COL23A1: variants seen among roughly 807,000 people sequenced by gnomAD.
The protein encoded by COL23A1 is collagen type XXIII alpha 1 chain.
A neutral mutation model predicts 99.3 loss-of-function variants in COL23A1; 97 were observed. The observed-to-expected ratio is 0.98, with a 90% CI of 0.83 to 1.16. The LOEUF (loss-of-function observed/expected upper bound fraction) is 1.16, where lower values mean the gene tolerates loss of function less well. Ranked by LOEUF, COL23A1 falls within the 50% of genes most tolerant of loss-of-function variation. The probability of loss-of-function intolerance (pLI) is 0.00; values close to 1 mark genes in which losing one functional copy is unlikely to be tolerated. For synonymous variants in COL23A1, 320 were observed against 308.2 expected (o/e 1.04, Z -0.40); for missense variants, 762 against 757.4 (o/e 1.01, Z -0.07).
chr5:178,574,378 G>A (rs1212458225), intron 1 of COL23A1, among the ~76,000 whole-genome samples: 1 of 151,724 alleles, frequency 6.6e-6, no homozygotes, highest in Non-Finnish European at 1.5e-5. Context: ...ATTTTATTGT[G>A]TGTAAATTAT....
chr5:178,555,771 C>T (rs1190289367), intron 2 of COL23A1, among the ~76,000 whole-genome samples: 10 of 152,190 alleles, frequency 6.6e-5, no homozygotes, highest in Admixed American at 2.6e-4. Flanking sequence ...TCCAAGGTGC[C>T]GGCCCTCACC....
intron 2 of COL23A1, among the ~76,000 whole-genome samples, chr5:178,403,340 C>T (rs1036021979): frequency 6.6e-6 from 1 of 152,198 alleles, no homozygotes; most frequent in Non-Finnish European, 1.5e-5. Context: ...CCAGACCTGA[C>T]CCAGGAGTTC....
intron 1 of COL23A1, among the ~76,000 whole-genome samples, chr5:178,584,763 C>A (rs763258946): frequency 1.3e-5 from 2 of 152,120 alleles, no homozygotes; most frequent in Non-Finnish European, 2.9e-5. Context: ...ACAGAGCTTC[C>A]CAGACACACC....
At chr5:178,322,651 G>A (rs182982699) in intron 2 of COL23A1, among the ~76,000 whole-genome samples, 2 of 152,082 alleles carry the variant, frequency 1.3e-5, no homozygotes, top group South Asian at 2.1e-4. Flanking sequence ...CGAGGTAACC[G>A]CAGACATTAA....
At chr5:178,288,400 A>C in intron 4 of COL23A1, 50 bp from the exon 5 acceptor site, 1 of 1,518,950 alleles carries the variant, frequency 6.6e-7, no homozygotes, top group Non-Finnish European at 9.2e-7. Flanking sequence ...CAGAAACCAT[A>C]TGGCAACACT....
Position 178,573,343 on chromosome 5 carries a change from G to T in COL23A1, c.295-12595C>A, listed in dbSNP as rs1387361701. On this transcript the variant is annotated intron_variant, in intron 1 of 28. Transcript: ENST00000390654. ...AGGTTCTGCCTGGGTTCGGTGACAG[G>T]TAAAGCACCCAGCAGAGTCATGGCA... Among the ~76,000 whole-genome samples the T allele has an allele frequency of 2.0e-5, 3 of 152,248 alleles. No homozygotes were observed. The East Asian group carries it at 5.8e-4, about 29-fold the overall frequency.
At chr5:178,578,347 A>T (rs1278687928) in intron 1 of COL23A1, among the ~76,000 whole-genome samples, 1 of 152,116 alleles carries the variant, frequency 6.6e-6, no homozygotes, top group Non-Finnish European at 1.5e-5. Context: ...CACACACTCG[A>T]GTCCCCTTGA....
chr5:178,442,794 G>A (rs1237151648), intron 2 of COL23A1: 1 of 152,576 alleles, frequency 6.6e-6, no homozygotes, highest in Non-Finnish European at 1.5e-5. Context: ...TGCTGGGGAA[G>A]GGCCTCTGCC....
intron 2 of COL23A1, among the ~76,000 whole-genome samples, chr5:178,456,955 GATAA>G (rs1337888497): frequency 6.6e-6 from 1 of 152,146 alleles, no homozygotes; most frequent in Non-Finnish European, 1.5e-5. Flanking sequence ...AACATGCAGA[GATAA>G]AACAACACAC....
At position 178,255,511 on chromosome 5, in the gene COL23A1, A is replaced by G. The variant is rs1316909141; in HGVS notation, c.883-485T>C. Among the ~76,000 whole-genome samples, 3 of 151,902 alleles carry G rather than the reference A, an allele frequency of 2.0e-5. No individual in the cohort carries two copies. In the East Asian group the frequency reaches 5.9e-4, roughly 30 times the overall value. ...TGCATGTCAGCATGCCCATGTCCAT[A>G]TGCTGCACACTCATTGTGCACACTC... On this transcript the variant is annotated intron_variant, in intron 15 of 28. Coordinates refer to ENST00000390654, the MANE Select transcript of COL23A1 (RefSeq NM_173465.4). This position sits in a 1 kb window ranked among gnomAD's most constrained non-coding sequence, Gnocchi z 4.2.
chr5:178,585,837 G>T (rs953943076), intron 1 of COL23A1, among the ~76,000 whole-genome samples: 10 of 140,142 alleles, frequency 7.1e-5, no homozygotes, highest in Admixed American at 6.6e-4. Flanking sequence ...AGCCTCAGGG[G>T]ATGAGTCAAG....
intron 2 of COL23A1, among the ~76,000 whole-genome samples, chr5:178,479,377 C>A: frequency 6.6e-6 from 1 of 152,192 alleles, no homozygotes; most frequent in East Asian, 1.9e-4. Context: ...CGAGCTGCTG[C>A]CCTGATGTCC....
chr5:178,466,006 T>G (rs992001152), intron 2 of COL23A1, among the ~76,000 whole-genome samples: 8 of 152,178 alleles, frequency 5.3e-5, no homozygotes, highest in Non-Finnish European at 1.2e-4. Context: ...CACATCACCC[T>G]GGTCCCTCAG....
rs1450777471 is a variant in COL23A1, at chr5:178,313,273, G to A, written c.362-6354C>T. Among the ~76,000 whole-genome samples the A allele has an allele frequency of 2.0e-5, 3 of 152,206 alleles. No individual in the cohort carries two copies. The highest frequency in any genetic ancestry group is 2.9e-5 in the Non-Finnish European group (2 of 68,044). ...AAGAGTTCTGGAGAGGGATGGTGGTGGTGACGGGTGCGTGACAATGTGAAC... is the reference window on the plus strand; with the variant it reads ...AAGAGTTCTGGAGAGGGATGGTGGTAGTGACGGGTGCGTGACAATGTGAAC... On this transcript the variant is annotated intron_variant, in intron 2 of 28. Transcript: ENST00000390654. This position sits in a 1 kb window ranked among gnomAD's most constrained non-coding sequence, Gnocchi z 4.2.
chr5:178,403,092 G>A lies in COL23A1; in HGVS notation c.362-96173C>T, dbSNP rs184202346. 2.0e-3 allele frequency among the ~76,000 whole-genome samples: 203 copies of A among 102,020 alleles called. 4 individuals are homozygous for A. In the East Asian group the frequency reaches 0.055, roughly 27 times the overall value. The allele number at this position is 102,020 out of a possible 152,430, so 66.9% of individuals were successfully genotyped here. ...CCACGGCACTCCAGCCTGGGCAACAGAGAGAGACTCCATCTCAAAAAAAAA... is the reference window on the plus strand; with the variant it reads ...CCACGGCACTCCAGCCTGGGCAACAAAGAGAGACTCCATCTCAAAAAAAAA... On this transcript the variant is annotated intron_variant, in intron 2 of 28. Coordinates refer to ENST00000390654, the MANE Select transcript of COL23A1 (RefSeq NM_173465.4).
chr5:178,347,380 C>T (rs1431567252), intron 2 of COL23A1, among the ~76,000 whole-genome samples: 1 of 151,278 alleles, frequency 6.6e-6, no homozygotes, highest in Non-Finnish European at 1.5e-5. Context: ...TCCAGAGAGA[C>T]TGAAAGAAGT....
chr5:178,537,002 C>T (rs1416458438), intron 2 of COL23A1, among the ~76,000 whole-genome samples: 4 of 152,244 alleles, frequency 2.6e-5, no homozygotes, highest in African/African-American at 9.6e-5. Flanking sequence ...CCGCCGACGG[C>T]TGCTCCTCTG....
In COL23A1 at chr5:178,308,220, G is replaced by A. The variant is rs1400763035; in HGVS notation, c.362-1301C>T. Among the ~76,000 whole-genome samples, 1 of 152,086 alleles carries A rather than the reference G, an allele frequency of 6.6e-6. No individual in the cohort carries two copies. The highest frequency in any genetic ancestry group is 1.9e-4 in the East Asian group (1 of 5,192). On this transcript the variant is annotated intron_variant, in intron 2 of 28. Transcript: ENST00000390654. The surrounding 1 kb of genome is among the most constrained non-coding windows in gnomAD (Gnocchi z 5.1). ...CTCTGAGAAACAGCGAGAGAGAAGAGATCCCTTCAGGTGGAGAGGGGCCCT... is the reference window on the plus strand; with the variant it reads ...CTCTGAGAAACAGCGAGAGAGAAGAAATCCCTTCAGGTGGAGAGGGGCCCT...
At position 178,589,910 on chromosome 5, in the gene COL23A1, C is replaced by T; in HGVS notation, c.288G>A (p.Leu96=). The stretch of plus-strand genomic sequence containing the variant: ...CACGCGCCAAGACGCTCACCTCCCG[C>T]AGCAGGCGCTCCAGGTGCGGCTCGG... ...AWAEPHLERL[L]REKLDGLAKI... Residue 96 remains leucine (L), a synonymous_variant, in exon 1 of 29, where the codon CTG becomes CTA. Transcript: ENST00000390654. The surrounding 1 kb of genome is among the most constrained non-coding windows in gnomAD (Gnocchi z 5.4). 2.3e-6 allele frequency: 3 copies of T among 1,316,018 alleles called. No individual in the cohort carries two copies. Among genetic ancestry groups the T allele is most frequent in the Non-Finnish European group, 1.9e-6 (2 of 1,038,634 alleles). 81.5% of individuals were successfully genotyped at this position (1,316,018 alleles called of 1,614,324 possible).
Sources: allele counts gnomAD v4.1 joint callset (sites outside exome capture counted in the v4.1 genomes callset), GRCh38; gene constraint gnomAD v4.1.1; non-coding constraint Gnocchi (gnomAD v3.1); transcripts MANE v1.5; gene names NCBI Gene and HGNC (gene_info 2026-07-23, HGNC 2026-07-21).